Variants in DIPK1A observed in about 807,000 individuals in gnomAD.
The protein encoded by DIPK1A is family with sequence similarity 69 member A.
In DIPK1A, 27 loss-of-function variants were observed where a neutral mutation model predicts 40.8. The observed-to-expected ratio is 0.66, with a 90% CI of 0.49 to 0.91. The LOEUF is 0.91. Ranked by LOEUF, DIPK1A falls within the 40% of genes least tolerant of loss-of-function variation. The pLI is 0.00. For missense variants in DIPK1A, 412 were observed against 505.7 expected (o/e 0.81, Z 1.78); for synonymous variants, 166 against 171.3 (o/e 0.97, Z 0.24).
Position 92,927,369 on chromosome 1 carries a change from T to TC in DIPK1A, c.54+34006_54+34007insG, listed in dbSNP as rs1213947605. Among the ~76,000 whole-genome samples, 7 of 146,606 alleles carry TC rather than the reference T, an allele frequency of 4.8e-5. No individual in the cohort carries two copies. The East Asian group carries it at 1.4e-3, about 30-fold the overall frequency. On this transcript the variant is annotated intron_variant, in intron 1 of 4. Coordinates refer to ENST00000370310, the MANE Select transcript of DIPK1A (RefSeq NM_001006605.5). ...GCCACCATGCCAATTTTGTTGTTTT[T>TC]TTTTTTTTTTTTTTTTTTGCAGAGA... is the stretch of plus-strand genomic sequence containing the variant.
rs371750521 is a variant in DIPK1A at position 92,833,079 on chromosome 1, G to A, written c.475-45C>T. 9 of 715,966 alleles carry A rather than the reference G, an allele frequency of 1.3e-5. No homozygotes were observed. In the African/African-American group the frequency reaches 1.6e-4, roughly 12 times the overall value. 44.4% of individuals were successfully genotyped at this position (715,966 alleles called of 1,614,324 possible). On this transcript the variant is annotated intron_variant, in intron 4 of 4. Coordinates refer to the DIPK1A transcript ENST00000615519. ...AAATTGAAAGCGTTTAAAACCTTTT[G>A]AAAGCAATATAACAATAATTTTATA...
chr1:92,902,822 C>G (rs910909423), intron 1 of DIPK1A, among the ~76,000 whole-genome samples: 1 of 152,094 alleles, frequency 6.6e-6, no homozygotes, highest in Non-Finnish European at 1.5e-5. Context: ...CCAATGTACT[C>G]CAGTACCCTC....
At chr1:92,835,956 C>T (rs1029557904) in intron 4 of DIPK1A, among the ~76,000 whole-genome samples, 3 of 151,358 alleles carry the variant, frequency 2.0e-5, no homozygotes, top group Admixed American at 6.6e-5. Context: ...GGACATGTAG[C>T]AAAGATGCAA....
At chr1:92,854,600 A>G (rs1304794217) in intron 2 of DIPK1A, among the ~76,000 whole-genome samples, 1 of 152,226 alleles carries the variant, frequency 6.6e-6, no homozygotes, top group Non-Finnish European at 1.5e-5. Context: ...AGCTAGTAGT[A>G]GTGGAGAAGT....
intron 2 of DIPK1A, among the ~76,000 whole-genome samples, chr1:92,851,706 G>C (rs887779528): frequency 2.0e-5 from 3 of 151,976 alleles, no homozygotes; most frequent in Admixed American, 1.3e-4. Flanking sequence ...TGAAACCCTA[G>C]GCACAATAAA....
chr1:92,955,559 G>C (rs1651818252), intron 1 of DIPK1A, among the ~76,000 whole-genome samples: 2 of 151,816 alleles, frequency 1.3e-5, no homozygotes, highest in African/African-American at 4.8e-5. Flanking sequence ...TTAGCCAGGA[G>C]TGGTGGCGGG....
chr1:92,845,302 T>G (rs1254559771), intron 4 of DIPK1A, among the ~76,000 whole-genome samples: 6 of 149,634 alleles, frequency 4.0e-5, no homozygotes, highest in Non-Finnish European at 8.9e-5. Flanking sequence ...GTTTTTTTTT[T>G]TTTTTTTTTT....
rs137960420 is a variant in DIPK1A at position 92,843,905 on chromosome 1, T to G, written c.765A>C (p.Arg255Ser). The G allele has an allele frequency of 1.3e-4, 202 of 1,551,658 alleles. No individual in the cohort carries two copies. The highest frequency in any genetic ancestry group is 1.8e-4 in the Admixed American group (9 of 50,982). Residue 255 changes from arginine to serine, a missense_variant, in exon 5 of 5, where the codon AGA becomes AGC. Arg to Ser is a moderately radical substitution (Grantham distance 110). Transcript: ENST00000370310. ...ATGGTGTGAACAGCTGATCCATGCT[T>G]CTTCTGAACCCAGATGGAATAAAAA... Reference protein sequence around the residue: ...IELFIPSGFRRSMDQLFTPSW... With the variant: ...IELFIPSGFRSSMDQLFTPSW...
intron 1 of DIPK1A, among the ~76,000 whole-genome samples, chr1:92,888,030 T>C (rs1648692670): frequency 1.3e-5 from 2 of 152,054 alleles, no homozygotes; most frequent in South Asian, 4.1e-4. Context: ...ATCATTTCTT[T>C]GTATTTGGAA....
intron 1 of DIPK1A, 179 bp from the exon 2 acceptor site, chr1:92,876,609 GA>G: frequency 1.6e-6 from 1 of 615,372 alleles, no homozygotes; most frequent in Non-Finnish European, 2.7e-6. Flanking sequence ...CTTAGAAAAG[GA>G]AGCTCCTTGG....
rs144107821 is a variant in DIPK1A, at chr1:92,959,598, C to T, written c.54+1778G>A. ...TCCCGAGTAGCTGGGACTACAGGCG[C>T]CCGCCACCACGCCCGGCTAATATTT... On this transcript the variant is annotated intron_variant, in intron 1 of 4. Transcript: ENST00000370310. Among the ~76,000 whole-genome samples, 1,204 of 151,508 alleles carry T rather than the reference C, an allele frequency of 7.9e-3. 19 individuals are homozygous for T. Among genetic ancestry groups the T allele is most frequent in the South Asian group, 0.03 (143 of 4,784 alleles).
chr1:92,917,574 G>A (rs1003320923), intron 1 of DIPK1A, among the ~76,000 whole-genome samples: 1 of 152,128 alleles, frequency 6.6e-6, no homozygotes, highest in Non-Finnish European at 1.5e-5. Context: ...AAAGTGAAAG[G>A]TTCCCCCATT....
intron 1 of DIPK1A, among the ~76,000 whole-genome samples, chr1:92,954,374 T>C (rs577953869): frequency 0.029 from 172 of 5,942 alleles, 1 homozygote; most frequent in South Asian, 0.14. Flanking sequence ...TTCTTTCTTT[T>C]TTTTTTTTTT....
rs371144202 is a variant in DIPK1A, at chr1:92,924,750, C to T, written c.54+36626G>A. ...TGATTGAGTCCAGCAAATCTTCTGTCGGCAGGAGCACTTGTGAGTTTGCTC... is the reference window on the plus strand; with the variant it reads ...TGATTGAGTCCAGCAAATCTTCTGTTGGCAGGAGCACTTGTGAGTTTGCTC... On this transcript the variant is annotated intron_variant, in intron 1 of 4. Coordinates refer to ENST00000370310, the MANE Select transcript of DIPK1A (RefSeq NM_001006605.5). Among the ~76,000 whole-genome samples, 9 of 152,312 alleles carry T rather than the reference C, an allele frequency of 5.9e-5. No homozygotes were observed. The East Asian group carries it at 1.3e-3, about 23-fold the overall frequency.
intron 2 of DIPK1A, among the ~76,000 whole-genome samples, chr1:92,868,393 A>G (rs188122410): frequency 2.1e-4 from 32 of 152,318 alleles, no homozygotes; most frequent in Non-Finnish European, 4.0e-4. Context: ...TATGAAAGCA[A>G]TCAGGTTCCT....
At chr1:92,899,794 C>T (rs771210091) in intron 1 of DIPK1A, among the ~76,000 whole-genome samples, 7 of 152,120 alleles carry the variant, frequency 4.6e-5, no homozygotes, top group Non-Finnish European at 8.8e-5. Context: ...GATAAGACTT[C>T]CTTAAGTATT....
intron 2 of DIPK1A, among the ~76,000 whole-genome samples, chr1:92,864,088 C>G (rs889892422): frequency 2.6e-5 from 4 of 151,746 alleles, no homozygotes; most frequent in Non-Finnish European, 5.9e-5. Context: ...AAAAAAACAA[C>G]AAAAAAACCC....
chr1:92,869,654 G>T (rs1647738225), intron 2 of DIPK1A, among the ~76,000 whole-genome samples: 2 of 152,032 alleles, frequency 1.3e-5, no homozygotes, highest in South Asian at 2.1e-4. Flanking sequence ...ATTTTGAACG[G>T]AATCTGTTCA....
At chr1:92,903,783 G>C (rs528806490) in intron 1 of DIPK1A, among the ~76,000 whole-genome samples, 1 of 152,320 alleles carries the variant, frequency 6.6e-6, no homozygotes, top group South Asian at 2.1e-4. Flanking sequence ...AGGCCGTCAG[G>C]TTATGTGGGC....
Sources: allele counts gnomAD v4.1 joint callset (sites outside exome capture counted in the v4.1 genomes callset), GRCh38; gene constraint gnomAD v4.1.1; transcripts MANE v1.5; gene names NCBI Gene and HGNC (gene_info 2026-07-23, HGNC 2026-07-21).